KIF26B: variants seen among roughly 807,000 people sequenced by gnomAD.
The protein encoded by KIF26B is kinesin-like protein KIF26B.
A neutral mutation model predicts 151.2 loss-of-function variants in KIF26B; 63 were observed. The ratio of observed to expected loss-of-function variants is 0.42; its 90% CI spans 0.34 to 0.51. The LOEUF (loss-of-function observed/expected upper bound fraction) is 0.51, where lower values mean the gene tolerates loss of function less well. KIF26B is among the 20% of genes least tolerant of loss of function. The pLI, the probability that KIF26B is intolerant of heterozygous loss-of-function variation, is 0.07. For missense variants in KIF26B, 2,813 were observed against 2,913.6 expected, an observed-to-expected ratio of 0.97 and a Z score of 0.79; for synonymous variants, 1,357 against 1,262.1, an observed-to-expected ratio of 1.08 and a Z score of -1.59.
rs368278755 is a variant in KIF26B, at chr1:245,161,443, G to A, written c.465+4760G>A. 3.9e-5 allele frequency among the ~76,000 whole-genome samples: 6 copies of A among 152,322 alleles called. No homozygotes were observed. In the East Asian group the frequency reaches 9.6e-4, roughly 24 times the overall value. On this transcript the variant is annotated intron_variant, in intron 2 of 14. Coordinates refer to ENST00000407071, the MANE Select transcript of KIF26B (RefSeq NM_018012.4). ...AGAAATGTGATTTTTAAATGGCTGA[G>A]GCTGGTAGTTTGTCAGCATTTGGAA...
intron 10 of KIF26B, among the ~76,000 whole-genome samples, chr1:245,670,263 T>C (rs1223188504): frequency 1.5e-5 from 2 of 135,264 alleles, no homozygotes; most frequent in African/African-American, 6.6e-5. Flanking sequence ...TATATATATA[T>C]ATATATATAT....
chr1:245,540,683 G>A lies in KIF26B; in HGVS notation c.1167-84G>A. 1 of 1,195,562 alleles carries A rather than the reference G, an allele frequency of 8.4e-7. No individual in the cohort carries two copies. The highest frequency in any genetic ancestry group is 1.2e-5 in the South Asian group (1 of 82,692). 74.1% of individuals were successfully genotyped at this position (1,195,562 alleles called of 1,614,324 possible). ...ATGATTAGGCCTCAGAAAGAACGAG[G>A]GGTTGTTTAAGAGAAAACGAAGTAA... On this transcript the variant is annotated intron_variant, in intron 4 of 14. Transcript: ENST00000407071. This position sits in a 1 kb window ranked among gnomAD's most constrained non-coding sequence, Gnocchi z 4.6.
At chr1:245,351,453 C>CTTTTCAT (rs1224400163) in intron 2 of KIF26B, among the ~76,000 whole-genome samples, 4,061 of 151,638 alleles carry the variant, frequency 0.027, 204 homozygotes, top group African/African-American at 0.092. Flanking sequence ...TGCCTTTTCC[C>CTTTTCAT]GTCTTAAACA....
chr1:245,675,386 AACCAGCTTGG>A (rs1445515097), intron 10 of KIF26B, among the ~76,000 whole-genome samples: 6 of 152,186 alleles, frequency 3.9e-5, no homozygotes, highest in African/African-American at 1.4e-4. Flanking sequence ...CTTCTCTTGC[AACCAGCTTGG>A]ACCATATGAC....
At position 245,343,849 on chromosome 1, in the gene KIF26B, A is replaced by G. The variant is rs36124287; in HGVS notation, c.466-22985A>G. On this transcript the variant is annotated intron_variant, in intron 2 of 14. Coordinates refer to ENST00000407071, the MANE Select transcript of KIF26B (RefSeq NM_018012.4). The stretch of plus-strand genomic sequence containing the variant: ...TTGAAAGACAGAAAACAAATAAGAA[A>G]ACCTTTGTTCTGCTGTCACAACTGA... 3.3e-5 allele frequency among the ~76,000 whole-genome samples: 5 copies of G among 152,252 alleles called. No homozygotes were observed. In the East Asian group the frequency reaches 9.6e-4, roughly 29 times the overall value.
intron 2 of KIF26B, among the ~76,000 whole-genome samples, chr1:245,222,720 GT>G (rs1291677437): frequency 6.6e-6 from 1 of 152,032 alleles, no homozygotes; most frequent in Non-Finnish European, 1.5e-5. Flanking sequence ...AAACAATAGA[GT>G]TTTTCACACA....
Position 245,197,187 on chromosome 1 carries a change from G to A in KIF26B, c.465+40504G>A, listed in dbSNP as rs189799245. Among the ~76,000 whole-genome samples, 38 of 152,316 alleles carry A rather than the reference G, an allele frequency of 2.5e-4. 1 individual carries two copies. The highest frequency in any genetic ancestry group is 1.8e-3 in the Admixed American group (27 of 15,306). On this transcript the variant is annotated intron_variant, in intron 2 of 14. Coordinates refer to ENST00000407071, the MANE Select transcript of KIF26B (RefSeq NM_018012.4). ...TCCACACTCAAGATGTTGCAGGCCT[G>A]AGAAGTAAGAAGAAAGCGCTGCATA...
At chr1:245,533,288 C>T (rs1661414900) in intron 4 of KIF26B, among the ~76,000 whole-genome samples, 1 of 152,142 alleles carries the variant, frequency 6.6e-6, no homozygotes. Context: ...TGTCCATCTG[C>T]CACCCCTGTC....
intron 7 of KIF26B, among the ~76,000 whole-genome samples, chr1:245,608,927 A>C (rs558295493): frequency 6.6e-5 from 10 of 151,936 alleles, no homozygotes; most frequent in African/African-American, 1.9e-4. Context: ...AATTTTTAAA[A>C]ATTTTTCATA....
chr1:245,460,124 G>T (rs1397251906), intron 4 of KIF26B, among the ~76,000 whole-genome samples: 3 of 152,030 alleles, frequency 2.0e-5, no homozygotes, highest in African/African-American at 7.2e-5. Flanking sequence ...GATTACAAGT[G>T]CCTGGCTAAT....
chr1:245,235,401 C>T (rs571728662), intron 2 of KIF26B, among the ~76,000 whole-genome samples: 28 of 151,614 alleles, frequency 1.8e-4, no homozygotes, highest in East Asian at 1.2e-3. Flanking sequence ...AGACCAGTCT[C>T]GGCAACATAG....
chr1:245,532,411 A>AG (rs1661393025), intron 4 of KIF26B, among the ~76,000 whole-genome samples: 1 of 151,584 alleles, frequency 6.6e-6, no homozygotes, highest in Non-Finnish European at 1.5e-5. Flanking sequence ...ATGCCCAGCT[A>AG]ATTTTTTGTA....
At chr1:245,174,591 C>T (rs1161255486) in intron 2 of KIF26B, among the ~76,000 whole-genome samples, 2 of 152,184 alleles carry the variant, frequency 1.3e-5, no homozygotes, top group Non-Finnish European at 2.9e-5. Flanking sequence ...GCTGTAACCT[C>T]AAACTCCTGG....
At chr1:245,669,546 T>C (rs962345676) in intron 10 of KIF26B, among the ~76,000 whole-genome samples, 17 of 152,138 alleles carry the variant, frequency 1.1e-4, no homozygotes, top group Non-Finnish European at 7.4e-5. Context: ...CCAGCGGAGA[T>C]ATATGCACAG....
In KIF26B at chr1:245,702,483, G is replaced by A. The variant is rs1216099670; in HGVS notation, c.6204G>A (p.Leu2068=). The A allele has an allele frequency of 6.2e-7, 1 of 1,613,800 alleles. No homozygotes were observed. Among genetic ancestry groups the A allele is most frequent in the African/African-American group, 1.3e-5 (1 of 74,924 alleles). ...TTGACTTGGAGCAGGTTTGGGAGCT[G>A]GATTCCCTGGAGTACCTGGAGGCAC... The part of the protein sequence containing the change: ...SEFDLEQVWE[L]DSLEYLEALE... Residue 2068 remains leucine (L), a synonymous_variant, in exon 15 of 15, where the codon CTG becomes CTA. Transcript: ENST00000407071. The surrounding 1 kb of genome is among the most constrained non-coding windows in gnomAD (Gnocchi z 4.1).
In KIF26B at chr1:245,686,436, T is replaced by C. The variant is rs2044521543; in HGVS notation, c.3453T>C (p.Pro1151=). ...GGAGCGAAGGGTTCCCGGAAACTCCTGTCGATGATGAGCAGCAGGCAGCTA... is the reference window on the plus strand; with the variant it reads ...GGAGCGAAGGGTTCCCGGAAACTCCCGTCGATGATGAGCAGCAGGCAGCTA... ...SAGSEGFPET[P]VDDEQQAATP... is the part of the protein sequence containing the mutation. Residue 1151 remains proline (P), a synonymous_variant, in exon 12 of 15, where the codon CCT becomes CCC. Coordinates refer to ENST00000407071, the MANE Select transcript of KIF26B (RefSeq NM_018012.4). The surrounding 1 kb of genome is among the most constrained non-coding windows in gnomAD (Gnocchi z 5.6). The C allele has an allele frequency of 6.2e-7, 1 of 1,613,284 alleles. No homozygotes were observed. Among genetic ancestry groups the C allele is most frequent in the Admixed American group, 1.7e-5 (1 of 60,010 alleles).
chr1:245,370,957 A>C (rs927513996), intron 3 of KIF26B, among the ~76,000 whole-genome samples: 1 of 152,144 alleles, frequency 6.6e-6, no homozygotes, highest in Non-Finnish European at 1.5e-5. Context: ...AGTGGGACAG[A>C]AGGCAGGTGA....
At chr1:245,216,801 G>A (rs1441404677) in intron 2 of KIF26B, among the ~76,000 whole-genome samples, 3 of 152,236 alleles carry the variant, frequency 2.0e-5, no homozygotes, top group African/African-American at 7.2e-5. Flanking sequence ...TGTGTTGAAA[G>A]AGTTAGCTAG....
rs1275176753 is a variant in KIF26B, at chr1:245,703,188, T to C, written c.*582T>C. 1 of 152,758 alleles carries C rather than the reference T, an allele frequency of 6.5e-6. No individual in the cohort carries two copies. The highest frequency in any genetic ancestry group is 1.9e-4 in the East Asian group (1 of 5,206). The allele number at this position is 152,758 out of a possible 1,614,324, so 9.5% of individuals were successfully genotyped here. On this transcript the variant is annotated 3_prime_UTR_variant, in exon 15 of 15. Coordinates refer to ENST00000407071, the MANE Select transcript of KIF26B (RefSeq NM_018012.4). ...TTCTGACTTGCTGTTTCTAAGTAAG[T>C]TGTGTTTGTAGAGCTATTTCTTAAT... is the stretch of plus-strand genomic sequence containing the variant.
Sources: gnomAD v4.1 joint callset for allele counts (sites outside exome capture counted in the v4.1 genomes callset) on GRCh38, gnomAD v4.1.1 for gene constraint, Gnocchi (gnomAD v3.1) non-coding constraint, MANE v1.5 for transcripts, NCBI Gene and HGNC (gene_info 2026-07-23, HGNC 2026-07-21) for gene names.